The following TMEM67 variants were observed in gnomAD, a reference collection of about 807,000 sequenced individuals.
TMEM67 encodes meckelin.
A neutral mutation model predicts 136.6 loss-of-function variants in TMEM67; 124 were observed. The ratio of observed to expected loss-of-function variants is 0.91; its 90% CI spans 0.78 to 1.05. The LOEUF (loss-of-function observed/expected upper bound fraction) is 1.05, where lower values mean the gene tolerates loss of function less well. Among genes scored for constraint, TMEM67 ranks in the 50% least tolerant of loss-of-function variants. TMEM67 has a pLI of 0.00. For missense variants in TMEM67, 1,107 were observed against 1,178.4 expected (o/e 0.94, Z 0.89); for synonymous variants, 364 against 390.5 (o/e 0.93, Z 0.80).
intron 16 of TMEM67, among the ~76,000 whole-genome samples, chr8:93,794,022 G>T (rs972045882): frequency 4.6e-5 from 7 of 152,114 alleles, no homozygotes; most frequent in African/African-American, 1.7e-4. Context: ...CTCCTGAGTA[G>T]CTGGAATTAC....
chr8:93,784,434 T>C (rs1322798575), intron 11 of TMEM67, among the ~76,000 whole-genome samples: 1 of 152,256 alleles, frequency 6.6e-6, no homozygotes, highest in Non-Finnish European at 1.5e-5. Context: ...GCCAATGTTC[T>C]ATCATCAGGT....
chr8:93,787,728 A>G lies in TMEM67; in HGVS notation c.1413-116A>G, dbSNP rs1814174846. The G allele has an allele frequency of 3.7e-6, 3 of 810,510 alleles. No homozygotes were observed. The East Asian group carries it at 7.8e-5, about 21-fold the overall frequency. The allele number at this position is 810,510 out of a possible 1,614,324, so 50.2% of individuals were successfully genotyped here. ...TAACCTTCCTTAGTCCTTGTTAACTACTTGGTTCTGAGATCATCAGACAAT... is the reference window on the plus strand; with the variant it reads ...TAACCTTCCTTAGTCCTTGTTAACTGCTTGGTTCTGAGATCATCAGACAAT... On this transcript the variant is annotated intron_variant, in intron 13 of 27. Transcript: ENST00000453321.
intron 26 of TMEM67, among the ~76,000 whole-genome samples, chr8:93,812,883 G>A (rs1283630079): frequency 6.6e-6 from 1 of 151,680 alleles, no homozygotes; most frequent in South Asian, 2.1e-4. Flanking sequence ...TTACAGGCGT[G>A]TGCCACCACA....
At position 93,758,478 on chromosome 8, in the gene TMEM67, T is replaced by G; in HGVS notation, c.313-5T>G. 1 of 1,607,910 alleles carries G rather than the reference T, an allele frequency of 6.2e-7. No individual in the cohort carries two copies. The highest frequency in any genetic ancestry group is 1.1e-5 in the South Asian group (1 of 90,058). The stretch of plus-strand genomic sequence containing the variant: ...GAGAAAAGCATTTTTTTTCTTTTAA[T>G]TTAGAAAGGTGTTACAGAAGATGGC... On this transcript the variant is annotated splice_region_variant and splice_polypyrimidine_tract_variant and intron_variant, in intron 2 of 27. Coordinates refer to ENST00000453321, the MANE Select transcript of TMEM67 (RefSeq NM_153704.6).
chr8:93,779,017 A>G (rs1348848079), intron 7 of TMEM67, among the ~76,000 whole-genome samples: 1 of 152,108 alleles, frequency 6.6e-6, no homozygotes, highest in Non-Finnish European at 1.5e-5. Flanking sequence ...TGGTCTTTTC[A>G]CATAGTCCCA....
chr8:93,806,562 C>G (rs1815159254), intron 23 of TMEM67, among the ~76,000 whole-genome samples: 1 of 151,856 alleles, frequency 6.6e-6, no homozygotes. Flanking sequence ...TGGAAAACTT[C>G]CATAATAAAA....
intron 3 of TMEM67, among the ~76,000 whole-genome samples, chr8:93,761,221 C>T (rs536339407): frequency 6.6e-6 from 1 of 152,194 alleles, no homozygotes; most frequent in South Asian, 2.1e-4. Context: ...TTGCTTGAAC[C>T]CAAGGAGGTG....
intron 7 of TMEM67, among the ~76,000 whole-genome samples, chr8:93,774,649 G>A (rs1813462418): frequency 6.6e-6 from 1 of 152,102 alleles, no homozygotes; most frequent in South Asian, 2.1e-4. Flanking sequence ...CAGAATGATG[G>A]TTTCCAGCTT....
At chr8:93,754,856 G>A, upstream of TMEM67, 2 of 1,541,602 alleles carry the variant, frequency 1.3e-6, no homozygotes, top group South Asian at 1.1e-5. Context: ...TCAGCTCAGC[G>A]AAGCCGCCGC....
At chr8:93,774,299 G>A (rs1274880104) in intron 7 of TMEM67, among the ~76,000 whole-genome samples, 1 of 152,174 alleles carries the variant, frequency 6.6e-6, no homozygotes, top group Non-Finnish European at 1.5e-5. Flanking sequence ...ACAGGCGTGA[G>A]CCACCATGCC....
intron 23 of TMEM67, among the ~76,000 whole-genome samples, chr8:93,808,286 AT>A (rs1401815278): frequency 7.0e-6 from 1 of 143,346 alleles, no homozygotes; most frequent in Non-Finnish European, 1.5e-5. Context: ...TATACCTATT[AT>A]GGATTATATA....
chr8:93,824,155 A>G (rs1406668561), downstream of TMEM67, among the ~76,000 whole-genome samples: 1 of 152,274 alleles, frequency 6.6e-6, no homozygotes, highest in Non-Finnish European at 1.5e-5. Flanking sequence ...TTTAAAATGA[A>G]TAATAGAGCT....
chr8:93,799,602 T>C lies in TMEM67; in HGVS notation c.2101-16T>C. Reference sequence around the variant, plus strand: ...TCCATGTCCGTTTAAATTACTACTTTTCCTTTTTACTCCAGGTTGTGGGAT... The same window carrying C: ...TCCATGTCCGTTTAAATTACTACTTCTCCTTTTTACTCCAGGTTGTGGGAT... On this transcript the variant is annotated splice_polypyrimidine_tract_variant and intron_variant, in intron 20 of 27. Transcript: ENST00000453321. 1.2e-6 allele frequency: 2 copies of C among 1,613,664 alleles called. No homozygotes were observed. The highest frequency in any genetic ancestry group is 1.7e-6 in the Non-Finnish European group (2 of 1,179,738).
intron 20 of TMEM67, among the ~76,000 whole-genome samples, chr8:93,799,333 T>C (rs982622061): frequency 1.3e-5 from 2 of 152,216 alleles, no homozygotes; most frequent in Non-Finnish European, 2.9e-5. Context: ...GTTTTATCCT[T>C]TTAATTAAAT....
At position 93,769,798 on chromosome 8, in the gene TMEM67, G is replaced by A. The variant is rs928601782; in HGVS notation, c.652-2791G>A. On this transcript the variant is annotated intron_variant, in intron 6 of 27. Transcript: ENST00000453321. ...CCAGAATACATGTTTATTAGTTTAT[G>A]TTGAGACTGTAATTGCCAATTAGAC... Among the ~76,000 whole-genome samples, 32 of 152,296 alleles carry A rather than the reference G, an allele frequency of 2.1e-4. 1 individual carries two copies. The South Asian group carries it at 2.5e-3, about 12-fold the overall frequency.
intron 18 of TMEM67, 58 bp downstream of exon 18, chr8:93,796,045 C>A: frequency 9.0e-7 from 1 of 1,105,148 alleles, no homozygotes; most frequent in South Asian, 1.3e-5. Flanking sequence ...ACTAACAAGT[C>A]TTTAAAATTA....
intron 6 of TMEM67, among the ~76,000 whole-genome samples, chr8:93,770,731 T>C (rs1813291912): frequency 6.6e-6 from 1 of 152,144 alleles, no homozygotes; most frequent in Admixed American, 6.5e-5. Flanking sequence ...ATTTGATTGC[T>C]AGGCTGGACG....
intron 4 of TMEM67, among the ~76,000 whole-genome samples, chr8:93,764,501 A>AACAC (rs5893257): frequency 0.02 from 3,006 of 149,956 alleles, 90 homozygotes; most frequent in African/African-American, 0.069. Flanking sequence ...GTATTTGTGA[A>AACAC]ACACACACAC....
chr8:93,767,181 A>G (rs1482452495), intron 6 of TMEM67, among the ~76,000 whole-genome samples: 1 of 152,104 alleles, frequency 6.6e-6, no homozygotes, highest in Non-Finnish European at 1.5e-5. Context: ...TTACCATCCT[A>G]CAGATACTTT....
Sources: gnomAD v4.1 joint callset for allele counts (sites outside exome capture counted in the v4.1 genomes callset) on GRCh38, gnomAD v4.1.1 for gene constraint, MANE v1.5 for transcripts, NCBI Gene and HGNC (gene_info 2026-07-23, HGNC 2026-07-21) for gene names.